DLG2: variants seen among roughly 807,000 people sequenced by gnomAD.
DLG2 encodes the protein discs large MAGUK scaffold protein 2, also known as disks large homolog 2.
A neutral mutation model predicts 132.5 loss-of-function variants in DLG2; 45 were observed. The observed-to-expected ratio is 0.34, with a 90% CI of 0.27 to 0.44. The LOEUF (loss-of-function observed/expected upper bound fraction) is 0.44, where lower values mean the gene tolerates loss of function less well. DLG2 is among the 20% of genes least tolerant of loss of function. DLG2 has a pLI of 1.00. For missense variants in DLG2, 1,045 were observed against 1,196.9 expected, an observed-to-expected ratio of 0.87 and a Z score of 1.87; for synonymous variants, 424 against 419.6, an observed-to-expected ratio of 1.01 and a Z score of -0.13.
At position 83,969,699 on chromosome 11, in the gene DLG2, G is replaced by A. The variant is rs1002742188; in HGVS notation, c.1057-4231C>T. On this transcript the variant is annotated intron_variant, in intron 12 of 27. Transcript: ENST00000376104. ...AGCAATTCTCCTGCCTCAGCCTCCC[G>A]AGTAGCTGGGATTACAGGCATATGC... Among the ~76,000 whole-genome samples the A allele has an allele frequency of 3.9e-5, 6 of 151,928 alleles. No individual in the cohort carries two copies. The East Asian group carries it at 1.2e-3, about 29-fold the overall frequency.
intron 3 of DLG2, among the ~76,000 whole-genome samples, chr11:85,541,582 A>G (rs1747323732): frequency 6.6e-6 from 1 of 151,954 alleles, no homozygotes; most frequent in Non-Finnish European, 1.5e-5. Flanking sequence ...AAACCCTTTG[A>G]GATGGCTTAC....
chr11:83,860,185 C>A (rs1206329542), intron 16 of DLG2, among the ~76,000 whole-genome samples: 1 of 152,180 alleles, frequency 6.6e-6, no homozygotes, highest in African/African-American at 2.4e-5. Flanking sequence ...TGGGGCACCA[C>A]CTAGTGGAGC....
chr11:85,543,578 G>T (rs762419544), intron 3 of DLG2, among the ~76,000 whole-genome samples: 10 of 152,154 alleles, frequency 6.6e-5, no homozygotes, highest in Non-Finnish European at 1.2e-4. Context: ...TTCCACAATG[G>T]TTGAACTAAT....
At chr11:83,917,743 C>T (rs547356761) in intron 15 of DLG2, among the ~76,000 whole-genome samples, 2 of 152,314 alleles carry the variant, frequency 1.3e-5, no homozygotes, top group South Asian at 4.1e-4. Flanking sequence ...TAGGTAAATA[C>T]CCACCACTTG....
chr11:85,060,700 G>A (rs186908027), intron 6 of DLG2, among the ~76,000 whole-genome samples: 16 of 151,694 alleles, frequency 1.1e-4, no homozygotes, highest in Non-Finnish European at 1.3e-4. Flanking sequence ...ATACACAGAC[G>A]TGAGATTGGT....
At chr11:85,612,883 C>T (rs552317662) in intron 2 of DLG2, among the ~76,000 whole-genome samples, 1 of 152,278 alleles carries the variant, frequency 6.6e-6, no homozygotes, top group African/African-American at 2.4e-5. Context: ...CAAAATCTAT[C>T]CAGTAAGGAT....
chr11:85,601,154 T>C (rs2080127234), intron 2 of DLG2, among the ~76,000 whole-genome samples: 1 of 152,166 alleles, frequency 6.6e-6, no homozygotes, highest in Non-Finnish European at 1.5e-5. Context: ...TACTTTTTAA[T>C]ATAATTTAGT....
chr11:83,638,200 G>A (rs2065361822), intron 18 of DLG2, among the ~76,000 whole-genome samples: 1 of 152,040 alleles, frequency 6.6e-6, no homozygotes, highest in Non-Finnish European at 1.5e-5. Flanking sequence ...ACATTTTTGA[G>A]TATGTAAAGC....
Position 84,928,982 on chromosome 11 carries a change from G to GTGTATATA in DLG2, c.357+182678_357+182679insTATATACA, listed in dbSNP as rs1400906684. Among the ~76,000 whole-genome samples, 207 of 49,082 alleles carry GTGTATATA rather than the reference G, an allele frequency of 4.2e-3. 2 individuals carry two copies. The highest frequency in any genetic ancestry group is 0.012 in the Middle Eastern group (1 of 86). The allele number at this position is 49,082 out of a possible 152,430, so 32.2% of individuals were successfully genotyped here. A position where few individuals can be genotyped will look rare whatever the true frequency, so the allele number is the denominator to read the frequency against. On this transcript the variant is annotated intron_variant, in intron 6 of 27. Transcript: ENST00000376104. The stretch of plus-strand genomic sequence containing the variant: ...TATGTGTGTGTGTGTGTGTGTGTGT[G>GTGTATATA]TATATATATATATATATATATATAT...
At chr11:83,963,845 A>G (rs1223970132) in intron 13 of DLG2, among the ~76,000 whole-genome samples, 2 of 151,922 alleles carry the variant, frequency 1.3e-5, no homozygotes, top group Non-Finnish European at 2.9e-5. Context: ...TACCTAACCC[A>G]TCTCAGATGT....
chr11:84,675,555 TG>T (rs2099710380), intron 6 of DLG2, among the ~76,000 whole-genome samples: 1 of 152,120 alleles, frequency 6.6e-6, no homozygotes, highest in South Asian at 2.1e-4. Flanking sequence ...GGCTATGTTT[TG>T]TTTGCTCTAG....
At chr11:85,205,711 T>C (rs2081840025) in intron 4 of DLG2, among the ~76,000 whole-genome samples, 1 of 152,288 alleles carries the variant, frequency 6.6e-6, no homozygotes, top group East Asian at 1.9e-4. Context: ...AAAAGTTCCC[T>C]ATGGGATTCA....
At chr11:83,877,115 T>C (rs2080390665) in intron 15 of DLG2, among the ~76,000 whole-genome samples, 2 of 152,146 alleles carry the variant, frequency 1.3e-5, no homozygotes, top group African/African-American at 4.8e-5. Flanking sequence ...AAAAGCTTTG[T>C]ATCATTTTAT....
chr11:84,947,138 T>C lies in DLG2; in HGVS notation c.357+164523A>G, dbSNP rs144808507. ...TGTTGGCAATTCAAGATGTCTTTGCTTCCTTCTTTAGTGTCTCCTTCCTTG... is the reference window on the plus strand; with the variant it reads ...TGTTGGCAATTCAAGATGTCTTTGCCTCCTTCTTTAGTGTCTCCTTCCTTG... On this transcript the variant is annotated intron_variant, in intron 6 of 27. Transcript: ENST00000376104. 1.5e-3 allele frequency among the ~76,000 whole-genome samples: 228 copies of C among 152,326 alleles called. 1 individual carries two copies. Among genetic ancestry groups the C allele is most frequent in the African/African-American group, 5.3e-3 (219 of 41,580 alleles).
At chr11:84,380,578 T>C (rs2098745799) in intron 7 of DLG2, among the ~76,000 whole-genome samples, 1 of 151,642 alleles carries the variant, frequency 6.6e-6, no homozygotes, top group Non-Finnish European at 1.5e-5. Context: ...CTAAAATGAT[T>C]GAAAGAAGAA....
chr11:85,522,307 T>C (rs2074378897), intron 3 of DLG2, among the ~76,000 whole-genome samples: 1 of 152,154 alleles, frequency 6.6e-6, no homozygotes, highest in Non-Finnish European at 1.5e-5. Context: ...TTGGGGAACC[T>C]CTCCCTAGGT....
At chr11:83,818,902 C>T (rs556929236) in intron 17 of DLG2, among the ~76,000 whole-genome samples, 54 of 152,218 alleles carry the variant, frequency 3.5e-4, no homozygotes, top group Non-Finnish European at 5.7e-4. Context: ...GACTTTAAAA[C>T]CAGAGATACC....
At chr11:85,231,668 C>T (rs1321803396) in intron 4 of DLG2, among the ~76,000 whole-genome samples, 1 of 151,812 alleles carries the variant, frequency 6.6e-6, no homozygotes, top group Non-Finnish European at 1.5e-5. Flanking sequence ...TGGCAGGCAG[C>T]TAATTTACTA....
rs548796489 is a variant in DLG2, at chr11:84,302,534, A to AG, written c.520-51244_520-51243insC. ...AGATCTGTGAGCACGTGTCAATAAA[A>AG]TTTGTATCTTTCACTGAAGATACAT... On this transcript the variant is annotated intron_variant, in intron 7 of 27. Coordinates refer to ENST00000376104, the MANE Select transcript of DLG2 (RefSeq NM_001142699.3). 5.4e-4 allele frequency among the ~76,000 whole-genome samples: 83 copies of AG among 152,298 alleles called. 1 individual carries two copies. The South Asian group carries it at 0.013, about 24-fold the overall frequency.
Sources: allele counts gnomAD v4.1 joint callset (sites outside exome capture counted in the v4.1 genomes callset), GRCh38; gene constraint gnomAD v4.1.1; transcripts MANE v1.5; gene names NCBI Gene and HGNC (gene_info 2026-07-23, HGNC 2026-07-21).